Variants in TENT2 observed in about 807,000 individuals in gnomAD.
The protein encoded by TENT2 is poly(A) RNA polymerase GLD2.
In TENT2, 44 loss-of-function variants were observed where a neutral mutation model predicts 72.2. The observed-to-expected ratio is 0.61, with a 90% CI of 0.48 to 0.78. TENT2 has a LOEUF of 0.78. TENT2 is among the 30% of genes least tolerant of loss of function. The pLI, the probability that TENT2 is intolerant of heterozygous loss-of-function variation, is 0.00. For synonymous variants in TENT2, 212 were observed against 192.5 expected, an observed-to-expected ratio of 1.10 and a Z score of -0.84; for missense variants, 541 against 569.6, an observed-to-expected ratio of 0.95 and a Z score of 0.51.
At chr5:79,621,769 A>C (rs11955301) in intron 3 of TENT2, among the ~76,000 whole-genome samples, 30,596 of 151,578 alleles carry the variant, frequency 0.2, 4,585 homozygotes, top group African/African-American at 0.41. Context: ...AAAAAAAAAA[A>C]AAACAAAAAA....
In TENT2 at chr5:79,685,328, C is replaced by A; in HGVS notation, c.*55C>A. Reference sequence around the variant, plus strand: ...AAGAAATAAAGAACAATAGTTTCATCATAATACATTATGTTTACCTCCATC... The same window carrying A: ...AAGAAATAAAGAACAATAGTTTCATAATAATACATTATGTTTACCTCCATC... On this transcript the variant is annotated 3_prime_UTR_variant, in exon 15 of 15. Coordinates refer to ENST00000453514, the MANE Select transcript of TENT2 (RefSeq NM_001114394.3). 1 of 1,292,230 alleles carries A rather than the reference C, an allele frequency of 7.7e-7. No individual in the cohort carries two copies. Among genetic ancestry groups the A allele is most frequent in the Non-Finnish European group, 1.1e-6 (1 of 925,374 alleles). 80.0% of individuals were successfully genotyped at this position (1,292,230 alleles called of 1,614,324 possible).
chr5:79,614,962 C>A (rs1758426787), intron 1 of TENT2: 1 of 152,126 alleles, frequency 6.6e-6, no homozygotes, highest in African/African-American at 2.4e-5. Flanking sequence ...GAGCATAGAA[C>A]GAATGCGTCG....
chr5:79,651,342 T>C (rs1793845375), intron 10 of TENT2, among the ~76,000 whole-genome samples: 1 of 151,952 alleles, frequency 6.6e-6, no homozygotes. Context: ...CATTTTCTTT[T>C]ACCTGTTCAT....
intron 12 of TENT2, among the ~76,000 whole-genome samples, chr5:79,673,548 CTG>C (rs1223552848): frequency 5.4e-5 from 8 of 149,178 alleles, no homozygotes; most frequent in East Asian, 1.9e-4. Flanking sequence ...ATTGAAGAGA[CTG>C]TGCTTTCCCT....
intron 10 of TENT2, among the ~76,000 whole-genome samples, chr5:79,655,683 C>G (rs1294174551): frequency 1.3e-5 from 2 of 150,716 alleles, no homozygotes; most frequent in African/African-American, 4.9e-5. Context: ...TTGAATGCCT[C>G]TTAGGGGAAA....
chr5:79,638,080 G>A (rs1342892927), intron 4 of TENT2, among the ~76,000 whole-genome samples: 1 of 152,130 alleles, frequency 6.6e-6, no homozygotes, highest in Non-Finnish European at 1.5e-5. Flanking sequence ...TTACAGGCAT[G>A]AGCCACCACG....
chr5:79,665,305 A>G (rs568555059), intron 11 of TENT2, among the ~76,000 whole-genome samples: 3 of 152,350 alleles, frequency 2.0e-5, no homozygotes, highest in Non-Finnish European at 2.9e-5. Flanking sequence ...GAAAGTGATC[A>G]TCTTTGACTT....
chr5:79,635,094 C>T (rs1779007084), intron 4 of TENT2, among the ~76,000 whole-genome samples: 2 of 152,128 alleles, frequency 1.3e-5, no homozygotes, highest in Admixed American at 6.6e-5. Flanking sequence ...TGATCTAAAT[C>T]GTATATGATT....
rs73773421 is a variant in TENT2, at chr5:79,687,594, A to G, written c.*2321A>G. On this transcript the variant is annotated 3_prime_UTR_variant, in exon 15 of 15. Coordinates refer to ENST00000453514, the MANE Select transcript of TENT2 (RefSeq NM_001114394.3). ...CTGTATTGTTTAGGGAATAATAATG[A>G]CAAGACAAAAAGTCTATACCTGTTC... is the stretch of plus-strand genomic sequence containing the variant. Among the ~76,000 whole-genome samples the G allele has an allele frequency of 0.067, 10,159 of 152,240 alleles. 873 individuals carry two copies. The highest frequency in any genetic ancestry group is 0.2 in the African/African-American group (8,106 of 41,494).
chr5:79,678,937 C>T (rs1185994286), intron 12 of TENT2, among the ~76,000 whole-genome samples: 2 of 151,996 alleles, frequency 1.3e-5, no homozygotes, highest in East Asian at 1.9e-4. Flanking sequence ...GATGGAGTCT[C>T]GCCCTGTCAC....
intron 8 of TENT2, among the ~76,000 whole-genome samples, chr5:79,645,467 G>A (rs1270978354): frequency 1.3e-5 from 2 of 152,080 alleles, no homozygotes; most frequent in South Asian, 2.1e-4. Flanking sequence ...ATGATCTCTT[G>A]CCTTTTGGAA....
chr5:79,681,150 ATTTT>A (rs1158559796), intron 13 of TENT2, among the ~76,000 whole-genome samples: 3 of 44,756 alleles, frequency 6.7e-5, no homozygotes, highest in East Asian at 7.5e-4. Flanking sequence ...CTTTTCTTTG[ATTTT>A]TTTTTTTTTT....
intron 12 of TENT2, among the ~76,000 whole-genome samples, chr5:79,673,105 T>G (rs1013342105): frequency 2.0e-5 from 3 of 152,248 alleles, no homozygotes; most frequent in African/African-American, 7.2e-5. Flanking sequence ...TTGAGAAATG[T>G]CTGTTGAGAT....
chr5:79,666,379 T>C (rs1018305010), intron 11 of TENT2, among the ~76,000 whole-genome samples: 14 of 151,454 alleles, frequency 9.2e-5, no homozygotes, highest in African/African-American at 1.7e-4. Flanking sequence ...TTCTTTCTTT[T>C]TTTTTTTTTG....
intron 11 of TENT2, among the ~76,000 whole-genome samples, chr5:79,659,786 G>A (rs1352711945): frequency 6.6e-6 from 1 of 151,022 alleles, no homozygotes; most frequent in Non-Finnish European, 1.5e-5. Context: ...CTTTCTTGGG[G>A]GAAGGCAAAA....
chr5:79,634,280 TAC>T (rs1778287191), intron 4 of TENT2, among the ~76,000 whole-genome samples: 1 of 152,158 alleles, frequency 6.6e-6, no homozygotes, highest in Non-Finnish European at 1.5e-5. Flanking sequence ...GAGGACAAGT[TAC>T]AATATTTTTT....
intron 12 of TENT2, among the ~76,000 whole-genome samples, chr5:79,670,967 T>G (rs1812566110): frequency 6.6e-6 from 1 of 151,844 alleles, no homozygotes; most frequent in African/African-American, 2.4e-5. Context: ...TGACATTGTT[T>G]ATTATGTTAT....
chr5:79,632,167 T>C (rs1053174579), intron 4 of TENT2, among the ~76,000 whole-genome samples: 4 of 152,116 alleles, frequency 2.6e-5, no homozygotes, highest in African/African-American at 9.7e-5. Context: ...TCACTTAAGA[T>C]TGGTAATAAT....
At chr5:79,629,309 A>G (rs1274231763) in intron 4 of TENT2, among the ~76,000 whole-genome samples, 1 of 152,246 alleles carries the variant, frequency 6.6e-6, no homozygotes, top group Non-Finnish European at 1.5e-5. Context: ...CTGTATTGAC[A>G]GTATATGTTT....
Sources: gnomAD v4.1 joint callset for allele counts (sites outside exome capture counted in the v4.1 genomes callset) on GRCh38, gnomAD v4.1.1 for gene constraint, MANE v1.5 for transcripts, NCBI Gene and HGNC (gene_info 2026-07-23, HGNC 2026-07-21) for gene names.